Variants in VPS13B observed in about 807,000 individuals in gnomAD.
VPS13B encodes intermembrane lipid transfer protein VPS13B.
In VPS13B, 285 loss-of-function variants were observed where a neutral mutation model predicts 426.4. The observed-to-expected ratio is 0.67, with a 90% CI of 0.61 to 0.74. The LOEUF is 0.74. Among genes scored for constraint, VPS13B ranks in the 30% least tolerant of loss-of-function variants. VPS13B has a pLI of 0.00. For synonymous variants in VPS13B, 1,676 were observed against 1,676.4 expected (o/e 1.00, Z 0.01); for missense variants, 4,537 against 4,782.6 (o/e 0.95, Z 1.51).
intron 16 of VPS13B, among the ~76,000 whole-genome samples, chr8:99,173,763 C>T (rs1020454540): frequency 6.6e-6 from 1 of 152,142 alleles, no homozygotes; most frequent in Non-Finnish European, 1.5e-5. Flanking sequence ...ACATCTGTTA[C>T]AATCTTCTCA....
At chr8:99,465,278 T>A (rs1259833711) in intron 23 of VPS13B, among the ~76,000 whole-genome samples, 3 of 152,150 alleles carry the variant, frequency 2.0e-5, no homozygotes, top group Non-Finnish European at 2.9e-5. Context: ...TTTGTGAATT[T>A]TTCTCACAGT....
In VPS13B at chr8:99,594,195, T is replaced by C. The variant is rs140309147; in HGVS notation, c.5220+16562T>C. Among the ~76,000 whole-genome samples the C allele has an allele frequency of 3.9e-5, 6 of 152,026 alleles. No individual in the cohort carries two copies. In the East Asian group the frequency reaches 1.2e-3, roughly 29 times the overall value. On this transcript the variant is annotated intron_variant, in intron 33 of 61. Transcript: ENST00000357162. Reference sequence around the variant, plus strand: ...CTCAGGATATGAGTCTCGGGGGACATGTAAGAAAGAAAACATAGTGGTCAA... The same window carrying C: ...CTCAGGATATGAGTCTCGGGGGACACGTAAGAAAGAAAACATAGTGGTCAA...
intron 19 of VPS13B, among the ~76,000 whole-genome samples, chr8:99,374,362 C>A (rs1352229355): frequency 6.6e-6 from 1 of 151,820 alleles, no homozygotes; most frequent in Non-Finnish European, 1.5e-5. Flanking sequence ...CTAATATTTT[C>A]ATTTCACTCT....
chr8:99,786,423 T>C (rs1474698885), intron 43 of VPS13B, among the ~76,000 whole-genome samples: 2 of 152,152 alleles, frequency 1.3e-5, no homozygotes. Flanking sequence ...CAATGTTGTC[T>C]CACTCCCCTA....
At chr8:99,282,812 A>G (rs991024362) in intron 19 of VPS13B, among the ~76,000 whole-genome samples, 8 of 152,196 alleles carry the variant, frequency 5.3e-5, no homozygotes, top group African/African-American at 1.7e-4. Context: ...ATTATCTTGT[A>G]TAATTTGTTT....
At chr8:99,355,664 A>C (rs768914638) in intron 19 of VPS13B, among the ~76,000 whole-genome samples, 1 of 152,090 alleles carries the variant, frequency 6.6e-6, no homozygotes, top group African/African-American at 2.4e-5. Flanking sequence ...CCTTTCCTTC[A>C]TACCAAGTAT....
chr8:99,024,673 T>C (rs1021992255), intron 2 of VPS13B, among the ~76,000 whole-genome samples: 1 of 152,260 alleles, frequency 6.6e-6, no homozygotes, highest in African/African-American at 2.4e-5. Context: ...TCTGTTCTTA[T>C]GCAAGTACCA....
At chr8:99,850,333 GT>G in intron 55 of VPS13B, among the ~76,000 whole-genome samples, 2 of 142,022 alleles carry the variant, frequency 1.4e-5, no homozygotes, top group African/African-American at 5.7e-5. Flanking sequence ...AAGTACGCAT[GT>G]ATGTACTTAT....
intron 35 of VPS13B, among the ~76,000 whole-genome samples, chr8:99,687,677 C>G (rs941565820): frequency 6.6e-6 from 1 of 152,060 alleles, no homozygotes; most frequent in Non-Finnish European, 1.5e-5. Context: ...CACAGATTCT[C>G]TCTCTGTGCC....
chr8:99,323,679 A>G (rs1810099258), intron 19 of VPS13B, among the ~76,000 whole-genome samples: 1 of 152,260 alleles, frequency 6.6e-6, no homozygotes, highest in South Asian at 2.1e-4. Context: ...CTATTATCTA[A>G]GCACAATTAA....
At chr8:99,654,802 T>C (rs1024865773) in intron 34 of VPS13B, among the ~76,000 whole-genome samples, 1 of 151,746 alleles carries the variant, frequency 6.6e-6, no homozygotes, top group African/African-American at 2.4e-5. Flanking sequence ...AAATTCTCTG[T>C]AAGTTCTATT....
chr8:99,159,403 A>C (rs7839306), intron 15 of VPS13B, among the ~76,000 whole-genome samples: 1 of 152,232 alleles, frequency 6.6e-6, no homozygotes, highest in Non-Finnish European at 1.5e-5. Context: ...CAATTTTGAT[A>C]GAAGTTTTAC....
Position 99,212,685 on chromosome 8 carries a change from C to T in VPS13B, c.2515+19628C>T, listed in dbSNP as rs148007402. On this transcript the variant is annotated intron_variant, in intron 17 of 61. Coordinates refer to ENST00000357162, the MANE Select transcript of VPS13B (RefSeq NM_152564.5). Reference sequence around the variant, plus strand: ...TTTCTCTTCTTCTTCCTTAGTGCTGCTCCTACTTTTATTTCCATCATGAAG... The same window carrying T: ...TTTCTCTTCTTCTTCCTTAGTGCTGTTCCTACTTTTATTTCCATCATGAAG... 9.2e-3 allele frequency among the ~76,000 whole-genome samples: 950 copies of T among 103,786 alleles called. 8 individuals are homozygous for T. The highest frequency in any genetic ancestry group is 0.032 in the African/African-American group (891 of 27,800). 68.1% of individuals were successfully genotyped at this position (103,786 alleles called of 152,430 possible).
intron 23 of VPS13B, among the ~76,000 whole-genome samples, chr8:99,464,462 G>T (rs1451648243): frequency 1.3e-5 from 2 of 152,020 alleles, no homozygotes; most frequent in Non-Finnish European, 2.9e-5. Flanking sequence ...AAGATTCAGG[G>T]TCATAAATTA....
At chr8:99,752,095 C>A (rs1323962762) in intron 39 of VPS13B, among the ~76,000 whole-genome samples, 1 of 152,110 alleles carries the variant, frequency 6.6e-6, no homozygotes, top group Non-Finnish European at 1.5e-5. Flanking sequence ...CCTGTAATCC[C>A]ACTCAGGAGA....
At chr8:99,103,538 G>A (rs1411875903) in intron 5 of VPS13B, among the ~76,000 whole-genome samples, 2 of 120,902 alleles carry the variant, frequency 1.7e-5, no homozygotes, top group African/African-American at 3.2e-5. Context: ...TTGCTCTGTC[G>A]CCCAGGCTGG....
chr8:99,306,185 A>G (rs1377998001), intron 19 of VPS13B, among the ~76,000 whole-genome samples: 2 of 152,086 alleles, frequency 1.3e-5, no homozygotes, highest in Non-Finnish European at 2.9e-5. Context: ...CATTTATAGG[A>G]TAAGAGGTCA....
intron 39 of VPS13B, among the ~76,000 whole-genome samples, chr8:99,724,985 A>G (rs1003475232): frequency 3.3e-5 from 5 of 152,070 alleles, no homozygotes; most frequent in Admixed American, 6.6e-5. Flanking sequence ...AAACCAACCT[A>G]TAACATCCTG....
intron 35 of VPS13B, among the ~76,000 whole-genome samples, chr8:99,689,705 T>C (rs1831568655): frequency 6.6e-6 from 1 of 152,188 alleles, no homozygotes; most frequent in Non-Finnish European, 1.5e-5. Flanking sequence ...AAATAGTTTT[T>C]TTCTGTGTCC....
Sources: allele counts gnomAD v4.1 joint callset (sites outside exome capture counted in the v4.1 genomes callset), GRCh38; gene constraint gnomAD v4.1.1; transcripts MANE v1.5; gene names NCBI Gene and HGNC (gene_info 2026-07-23, HGNC 2026-07-21).